Variants in SMARCA5 observed in about 807,000 individuals in gnomAD.
SMARCA5 encodes SNF2 related chromatin remodeling ATPase 5.
SMARCA5 carries 18 observed loss-of-function variants against 140.4 expected under a neutral mutation model. That is an observed-to-expected ratio of 0.13 (90% CI 0.09 to 0.19). SMARCA5 has a LOEUF of 0.19. SMARCA5 is among the 10% of genes least tolerant of loss of function. The pLI, the probability that SMARCA5 is intolerant of heterozygous loss-of-function variation, is 1.00. For synonymous variants in SMARCA5, 449 were observed against 419.6 expected, an observed-to-expected ratio of 1.07 and a Z score of -0.86; for missense variants, 606 against 1,276.8, an observed-to-expected ratio of 0.47 and a Z score of 8.01.
chr4:143,544,880 A>C (rs772196484), intron 17 of SMARCA5, 33 bp downstream of exon 17: 1 of 1,121,566 alleles, frequency 8.9e-7, no homozygotes, highest in South Asian at 1.3e-5. Flanking sequence ...AAAATATCTA[A>C]AAATTTTGAA....
intron 7 of SMARCA5, among the ~76,000 whole-genome samples, chr4:143,528,265 G>T (rs1737115366): frequency 6.6e-6 from 1 of 152,070 alleles, no homozygotes; most frequent in Admixed American, 6.5e-5. Flanking sequence ...ACAGGTCCTG[G>T]CATGTGGTGT....
At chr4:143,519,419 T>C (rs1375607388) in intron 2 of SMARCA5, among the ~76,000 whole-genome samples, 1 of 152,166 alleles carries the variant, frequency 6.6e-6, no homozygotes, top group African/African-American at 2.4e-5. Context: ...TCCTTTCTTA[T>C]GATCTGGCCC....
At chr4:143,514,128 C>A in intron 1 of SMARCA5, 27 bp downstream of exon 1, 1 of 1,495,494 alleles carries the variant, frequency 6.7e-7, no homozygotes, top group Non-Finnish European at 8.9e-7. Flanking sequence ...GCATGGGGAG[C>A]GGGTGCAGCG....
At chr4:143,538,059 A>G (rs1737351317) in intron 11 of SMARCA5, among the ~76,000 whole-genome samples, 1 of 152,160 alleles carries the variant, frequency 6.6e-6, no homozygotes, top group Non-Finnish European at 1.5e-5. Flanking sequence ...GATATATTCT[A>G]CTGAAGGTAT....
In SMARCA5 at chr4:143,522,173, T is replaced by C. The variant is rs1036880629; in HGVS notation, c.419+578T>C. On this transcript the variant is annotated intron_variant, in intron 3 of 23. Transcript: ENST00000283131. ...ATCTAAAGTGTGGTGTGTGGGATATTGTGATGACTTACATCACGGCAGCCT... is the reference window on the plus strand; with the variant it reads ...ATCTAAAGTGTGGTGTGTGGGATATCGTGATGACTTACATCACGGCAGCCT... 2.6e-5 allele frequency among the ~76,000 whole-genome samples: 4 copies of C among 152,212 alleles called. No homozygotes were observed. In the South Asian group the frequency reaches 8.3e-4, roughly 31 times the overall value.
Position 143,521,605 on chromosome 4 carries a change from A to AGCT in SMARCA5, c.419+11_419+12insCTG. On this transcript the variant is annotated intron_variant, in intron 3 of 23. Transcript: ENST00000283131. ...TACTATCCGTTGGCGAGTGAGTAAT[A>AGCT]GTTTAAACTTCATAGTTCAACCAAA... is the stretch of plus-strand genomic sequence containing the variant. 1 of 1,595,506 alleles carries AGCT rather than the reference A, an allele frequency of 6.3e-7. No homozygotes were observed. The highest frequency in any genetic ancestry group is 8.5e-7 in the Non-Finnish European group (1 of 1,170,914).
intron 2 of SMARCA5, among the ~76,000 whole-genome samples, chr4:143,517,934 C>A (rs1030541047): frequency 1.3e-5 from 2 of 151,994 alleles, no homozygotes; most frequent in African/African-American, 4.8e-5. Flanking sequence ...TCTTATGTGT[C>A]TATGTAAGCC....
intron 3 of SMARCA5, among the ~76,000 whole-genome samples, chr4:143,522,928 T>A (rs1736993527): frequency 6.6e-6 from 1 of 152,216 alleles, no homozygotes; most frequent in African/African-American, 2.4e-5. Context: ...GTTAACAGAT[T>A]TCTTTACTCC....
intron 2 of SMARCA5, among the ~76,000 whole-genome samples, chr4:143,518,993 C>G (rs181770181): frequency 2.0e-5 from 3 of 152,142 alleles, no homozygotes; most frequent in African/African-American, 4.8e-5. Context: ...CATTTTTTCC[C>G]GTGATAATAT....
At chr4:143,514,443 A>G (rs1376719574) in intron 1 of SMARCA5, 1 of 227,588 alleles carries the variant, frequency 4.4e-6, no homozygotes, top group Admixed American at 5.7e-5. Flanking sequence ...TCCCTCTCCT[A>G]CCTCTGAATG....
intron 9 of SMARCA5, among the ~76,000 whole-genome samples, chr4:143,533,133 A>G (rs921621899): frequency 3.3e-5 from 5 of 152,254 alleles, no homozygotes; most frequent in Non-Finnish European, 5.9e-5. Flanking sequence ...CTACTACTAC[A>G]TATAACATGG....
chr4:143,545,079 A>G (rs1466172796), intron 17 of SMARCA5, among the ~76,000 whole-genome samples: 1 of 151,494 alleles, frequency 6.6e-6, no homozygotes, highest in African/African-American at 2.4e-5. Context: ...AGTAGCTGGG[A>G]CTACAGGCAC....
intron 23 of SMARCA5, among the ~76,000 whole-genome samples, chr4:143,552,249 G>T (rs1737653569): frequency 1.3e-5 from 2 of 152,064 alleles, no homozygotes; most frequent in African/African-American, 4.8e-5. Context: ...TTTGTATCCT[G>T]CAGTGTCACT....
intron 9 of SMARCA5, 35 bp from the exon 10 acceptor site, chr4:143,534,820 A>G (rs1487869401): frequency 1.4e-6 from 2 of 1,443,006 alleles, no homozygotes; most frequent in Non-Finnish European, 9.6e-7. Flanking sequence ...TATGTGTAAT[A>G]TTGGTATTAC....
intron 4 of SMARCA5, 80 bp downstream of exon 4, chr4:143,524,547 T>G: frequency 2.3e-6 from 2 of 883,896 alleles, no homozygotes; most frequent in Non-Finnish European, 1.8e-6. Context: ...TTGTGTTGGC[T>G]ACTATTTGTG....
At chr4:143,545,270 T>C (rs1481529546) in intron 17 of SMARCA5, among the ~76,000 whole-genome samples, 200 bp from the exon 18 acceptor site, 1 of 152,182 alleles carries the variant, frequency 6.6e-6, no homozygotes, top group Non-Finnish European at 1.5e-5. Context: ...GAGTGTACTC[T>C]CTTCTGTTTT....
intron 14 of SMARCA5, among the ~76,000 whole-genome samples, chr4:143,543,210 G>A (rs1418458482): frequency 1.3e-5 from 2 of 152,046 alleles, no homozygotes; most frequent in Admixed American, 1.3e-4. Context: ...GAAACTTGTA[G>A]GTTTTTGAAA....
In SMARCA5 at chr4:143,526,445, A is replaced by C; in HGVS notation, c.786A>C (p.Gly262=). The C allele has an allele frequency of 6.2e-7, 1 of 1,604,134 alleles. No homozygotes were observed. Among genetic ancestry groups the C allele is most frequent in the South Asian group, 1.1e-5 (1 of 89,530 alleles). The stretch of plus-strand genomic sequence containing the variant: ...CACTTAGATCTGTTTGTTTGATAGG[A>C]GATAAAGAACAAAGAGTAAGTTTCT... ...VPTLRSVCLI[G]DKEQRAAFVR... Residue 262 remains glycine (G), a synonymous_variant, in exon 6 of 24, where the codon GGA becomes GGC. Coordinates refer to ENST00000283131, the MANE Select transcript of SMARCA5 (RefSeq NM_003601.4).
chr4:143,518,693 A>G (rs888866452), intron 2 of SMARCA5, among the ~76,000 whole-genome samples: 2 of 152,144 alleles, frequency 1.3e-5, no homozygotes, highest in African/African-American at 2.4e-5. Flanking sequence ...TATAAATGAT[A>G]TATCTTTAGG....
Sources: allele counts gnomAD v4.1 joint callset (sites outside exome capture counted in the v4.1 genomes callset), GRCh38; gene constraint gnomAD v4.1.1; transcripts MANE v1.5; gene names NCBI Gene and HGNC (gene_info 2026-07-23, HGNC 2026-07-21).